Variants in PPP1R16A observed in about 807,000 individuals in gnomAD.
PPP1R16A encodes the protein myosin phosphatase-targeting subunit 3.
Under a neutral mutation model 46.6 loss-of-function variants are expected in PPP1R16A, and 39 were observed. The observed-to-expected ratio is 0.84, with a 90% CI of 0.65 to 1.09. The LOEUF (loss-of-function observed/expected upper bound fraction) is 1.09, where lower values mean the gene tolerates loss of function less well. Among genes scored for constraint, PPP1R16A ranks in the 50% least tolerant of loss-of-function variants. The pLI is 0.00. For missense variants in PPP1R16A, 798 were observed against 735.6 expected (o/e 1.08, Z -0.98); for synonymous variants, 413 against 321.5 (o/e 1.28, Z -3.04).
chr8:144,478,832 C>T (rs1825279927), intron 1 of PPP1R16A: 1 of 152,336 alleles, frequency 6.6e-6, no homozygotes, highest in East Asian at 1.9e-4. Context: ...GTGTGGGCCC[C>T]TGTCTGTACC....
At chr8:144,482,100 T>G (rs1825457675) in intron 1 of PPP1R16A, among the ~76,000 whole-genome samples, 1 of 152,068 alleles carries the variant, frequency 6.6e-6, no homozygotes, top group Non-Finnish European at 1.5e-5. Flanking sequence ...CGCCGCCTTT[T>G]TTTTTGAGAT....
At position 144,493,315 on chromosome 8, in the gene PPP1R16A, T is replaced by C. The variant is rs1032693860; in HGVS notation, c.-735+3103T>C. On this transcript the variant is annotated intron_variant, in intron 2 of 11. Coordinates refer to ENST00000435887, the MANE Select transcript of PPP1R16A (RefSeq NM_001329443.2). The surrounding 1 kb of genome is among the most constrained non-coding windows in gnomAD (Gnocchi z 4.3). Reference sequence around the variant, plus strand: ...GAATGAACCGACCCGGGAATCTGTTTGACATTCCAAGGAGGTTTGGGGGAA... The same window carrying C: ...GAATGAACCGACCCGGGAATCTGTTCGACATTCCAAGGAGGTTTGGGGGAA... 3.3e-5 allele frequency among the ~76,000 whole-genome samples: 5 copies of C among 152,122 alleles called. No individual in the cohort carries two copies. The highest frequency in any genetic ancestry group is 1.2e-4 in the African/African-American group (5 of 41,430).
At chr8:144,488,458 A>G (rs1424179598) in intron 1 of PPP1R16A, among the ~76,000 whole-genome samples, 1 of 151,984 alleles carries the variant, frequency 6.6e-6, no homozygotes, top group Non-Finnish European at 1.5e-5. Context: ...GGAGTGTTGG[A>G]GTCAGGGCTT....
At chr8:144,499,794 GCTCCCT>G in intron 5 of PPP1R16A, 1 of 372,120 alleles carries the variant, frequency 2.7e-6, no homozygotes, top group African/African-American at 2.1e-5. Context: ...GCCACCCTGT[GCTCCCT>G]GCTCCCCAGC....
chr8:144,494,054 G>C (rs1825931001), intron 2 of PPP1R16A, among the ~76,000 whole-genome samples: 1 of 152,124 alleles, frequency 6.6e-6, no homozygotes, highest in Non-Finnish European at 1.5e-5. Context: ...CCATGCTCAG[G>C]CTTTCTCTTC....
At position 144,496,836 on chromosome 8, in the gene PPP1R16A, T is replaced by G; in HGVS notation, c.-359T>G. 1 of 323,038 alleles carries G rather than the reference T, an allele frequency of 3.1e-6. No homozygotes were observed. Among genetic ancestry groups the G allele is most frequent in the Non-Finnish European group, 5.9e-6 (1 of 168,968 alleles). 20.0% of individuals were successfully genotyped at this position (323,038 alleles called of 1,614,324 possible). A position where few individuals can be genotyped will look rare whatever the true frequency, so the allele number is the denominator to read the frequency against. On this transcript the variant is annotated 5_prime_UTR_variant, in exon 3 of 12. Coordinates refer to ENST00000435887, the MANE Select transcript of PPP1R16A (RefSeq NM_001329443.2). ...AGCTGGAACCTTGTTATCTGGGTAA[T>G]TAGTTTCAGACCCTGCACTGAGGCC...
intron 2 of PPP1R16A, among the ~76,000 whole-genome samples, chr8:144,492,362 GTC>G (rs1351385156): frequency 1.4e-5 from 2 of 141,540 alleles, no homozygotes; most frequent in African/African-American, 2.6e-5. Context: ...TTGATAGGGA[GTC>G]TCTCTCTGTC....
rs1826266309 is a variant in PPP1R16A, at chr8:144,499,208, A to C, written c.476+147A>C. ...ACCCTGCCTGTGTCCTGGCATGGAG[A>C]GCAGGGCCTGGGGCTCCAGGGGAAT... On this transcript the variant is annotated intron_variant, in intron 5 of 11. Coordinates refer to ENST00000435887, the MANE Select transcript of PPP1R16A (RefSeq NM_001329443.2). 2.8e-6 allele frequency: 3 copies of C among 1,075,992 alleles called. No homozygotes were observed. In the Admixed American group the frequency reaches 8.6e-5, roughly 31 times the overall value. 66.7% of individuals were successfully genotyped at this position (1,075,992 alleles called of 1,614,324 possible).
At chr8:144,480,370 G>C (rs1904538) in intron 1 of PPP1R16A, among the ~76,000 whole-genome samples, 2,555 of 152,254 alleles carry the variant, frequency 0.017, 81 homozygotes, top group African/African-American at 0.058. Context: ...ACTGGAGTGC[G>C]GTTGCACAAT....
intron 10 of PPP1R16A, 28 bp downstream of exon 10, chr8:144,500,999 C>T (rs113246685): frequency 7.0e-6 from 10 of 1,437,708 alleles, no homozygotes; most frequent in Non-Finnish European, 9.0e-6. Flanking sequence ...CAGGCCCCGC[C>T]CCGGGCTTGG....
chr8:144,499,010 A>G lies in PPP1R16A; in HGVS notation c.425A>G (p.His142Arg). The change falls in exon 5 of 12, where the codon CAT becomes CGT. Residue 142 changes from histidine to arginine, a missense_variant. Coordinates refer to ENST00000435887, the MANE Select transcript of PPP1R16A (RefSeq NM_001329443.2). ...ACDSECWTPL[H>R]AAATCGHLHL... ...GACAGTGAGTGCTGGACGCCTCTGC[A>G]TGCTGCGGCCACCTGCGGCCACCTG... 1 of 1,598,514 alleles carries G rather than the reference A, an allele frequency of 6.3e-7. No individual in the cohort carries two copies. Among genetic ancestry groups the G allele is most frequent in the Non-Finnish European group, 8.5e-7 (1 of 1,169,656 alleles).
Position 144,502,001 on chromosome 8 carries a change from C to A in PPP1R16A, c.*98C>A. On this transcript the variant is annotated 3_prime_UTR_variant, in exon 12 of 12. Transcript: ENST00000435887. ...GTGCTGCGGGTGCAGCACGGAAACCCCGGCTTCTACTGTACAGGACACTGG... is the reference window on the plus strand; with the variant it reads ...GTGCTGCGGGTGCAGCACGGAAACCACGGCTTCTACTGTACAGGACACTGG... 1 of 1,262,058 alleles carries A rather than the reference C, an allele frequency of 7.9e-7. No individual in the cohort carries two copies. Among genetic ancestry groups the A allele is most frequent in the Non-Finnish European group, 1.1e-6 (1 of 941,224 alleles). 78.2% of individuals were successfully genotyped at this position (1,262,058 alleles called of 1,614,324 possible). A position where few individuals can be genotyped will look rare whatever the true frequency, so the allele number is the denominator to read the frequency against.
intron 5 of PPP1R16A, chr8:144,499,806 C>G: frequency 2.5e-6 from 1 of 401,400 alleles, no homozygotes; most frequent in Non-Finnish European, 4.6e-6. Context: ...TCCCTGCTCC[C>G]CAGCAGGCAG....
intron 2 of PPP1R16A, among the ~76,000 whole-genome samples, chr8:144,492,390 C>A (rs528880202): frequency 6.9e-6 from 1 of 144,582 alleles, no homozygotes; most frequent in South Asian, 2.2e-4. Flanking sequence ...GGCTGGGGTG[C>A]AGTGGTGCGA....
intron 1 of PPP1R16A, among the ~76,000 whole-genome samples, chr8:144,484,073 C>T (rs1196060093): frequency 2.0e-5 from 3 of 152,216 alleles, no homozygotes; most frequent in South Asian, 4.1e-4. Context: ...TGTCTAGACC[C>T]CACACCTCTG....
intron 2 of PPP1R16A, among the ~76,000 whole-genome samples, chr8:144,491,237 T>C (rs1825801229): frequency 6.6e-6 from 1 of 152,206 alleles, no homozygotes; most frequent in Non-Finnish European, 1.5e-5. Context: ...ACAGAATGGC[T>C]ACACAGATAT....
intron 2 of PPP1R16A, among the ~76,000 whole-genome samples, chr8:144,490,986 G>T (rs894758205): frequency 6.6e-6 from 1 of 151,930 alleles, no homozygotes; most frequent in African/African-American, 2.4e-5. Flanking sequence ...TGGACCCCAG[G>T]AAGTTGAGGC....
rs1305371033 is a variant in PPP1R16A at position 144,490,140 on chromosome 8, T to C, written c.-807T>C. 1 of 152,334 alleles carries C rather than the reference T, an allele frequency of 6.6e-6. No homozygotes were observed. Among genetic ancestry groups the C allele is most frequent in the Non-Finnish European group, 1.5e-5 (1 of 68,114 alleles). The allele number at this position is 152,334 out of a possible 1,614,324, so 9.4% of individuals were successfully genotyped here. On this transcript the variant is annotated 5_prime_UTR_variant, in exon 2 of 12. Coordinates refer to ENST00000435887, the MANE Select transcript of PPP1R16A (RefSeq NM_001329443.2). ...CTGGCCGGGACACAGAGCCCACGTG[T>C]GGACACCGCTGTGGGTTGGTGGCAG...
At chr8:144,491,459 A>G (rs1285153335) in intron 2 of PPP1R16A, among the ~76,000 whole-genome samples, 1 of 152,008 alleles carries the variant, frequency 6.6e-6, no homozygotes, top group Non-Finnish European at 1.5e-5. Context: ...CTACAAAACA[A>G]ATTAAAAAAT....
Sources: gnomAD v4.1 joint callset for allele counts (sites outside exome capture counted in the v4.1 genomes callset) on GRCh38, gnomAD v4.1.1 for gene constraint, Gnocchi (gnomAD v3.1) non-coding constraint, MANE v1.5 for transcripts, NCBI Gene and HGNC (gene_info 2026-07-23, HGNC 2026-07-21) for gene names.